Variants in GABRG3 observed in about 807,000 individuals in gnomAD.
The protein encoded by GABRG3 is gamma-aminobutyric acid type A receptor subunit gamma3.
Under a neutral mutation model 48.8 loss-of-function variants are expected in GABRG3, and 25 were observed. That is an observed-to-expected ratio of 0.51 (90% CI 0.37 to 0.72). GABRG3 has a LOEUF of 0.72. Ranked by LOEUF, GABRG3 falls within the 30% of genes least tolerant of loss-of-function variation. GABRG3 has a pLI of 0.00. For missense variants in GABRG3, 394 were observed against 577.9 expected (o/e 0.68, Z 3.26); for synonymous variants, 227 against 217.6 (o/e 1.04, Z -0.38).
intron 5 of GABRG3, among the ~76,000 whole-genome samples, chr15:27,434,791 T>C (rs76548996): frequency 0.045 from 6,788 of 152,240 alleles, 175 homozygotes; most frequent in Middle Eastern, 0.11. Flanking sequence ...GGCTTTGGTT[T>C]GGAGGGTCTT....
At chr15:27,379,731 T>A (rs1250753499) in intron 5 of GABRG3, among the ~76,000 whole-genome samples, 1 of 152,214 alleles carries the variant, frequency 6.6e-6, no homozygotes, top group Non-Finnish European at 1.5e-5. Context: ...ACTATAAATA[T>A]CTTGCTCCAT....
intron 2 of GABRG3, among the ~76,000 whole-genome samples, chr15:26,985,980 T>C (rs1487876945): frequency 6.6e-6 from 1 of 152,164 alleles, no homozygotes; most frequent in African/African-American, 2.4e-5. Flanking sequence ...CTCGATCCAC[T>C]GTGTCCTGAT....
intron 5 of GABRG3, among the ~76,000 whole-genome samples, chr15:27,409,030 T>A (rs1246473722): frequency 6.6e-6 from 1 of 152,096 alleles, no homozygotes; most frequent in Admixed American, 6.5e-5. Context: ...ACCTTTCTGG[T>A]CCTTTTTTTT....
intron 2 of GABRG3, among the ~76,000 whole-genome samples, chr15:27,002,309 A>G (rs534155434): frequency 7.9e-5 from 12 of 152,298 alleles, no homozygotes; most frequent in African/African-American, 2.9e-4. Flanking sequence ...CAGGACACCA[A>G]TTCAGTGCCT....
chr15:27,291,953 A>G (rs545184956), intron 3 of GABRG3, among the ~76,000 whole-genome samples: 4 of 152,304 alleles, frequency 2.6e-5, no homozygotes, highest in East Asian at 1.9e-4. Flanking sequence ...TTTGTATGCA[A>G]GGATAGAACA....
intron 5 of GABRG3, among the ~76,000 whole-genome samples, chr15:27,357,009 T>A (rs890001230): frequency 1.3e-5 from 2 of 152,240 alleles, no homozygotes; most frequent in African/African-American, 4.8e-5. Context: ...GGAATTTTCA[T>A]AATAGAATGT....
rs1893202876 is a variant in GABRG3 at position 27,316,056 on chromosome 15, T to C, written c.271-10753T>C. Among the ~76,000 whole-genome samples, 3 of 152,296 alleles carry C rather than the reference T, an allele frequency of 2.0e-5. No homozygotes were observed. In the South Asian group the frequency reaches 6.2e-4, roughly 32 times the overall value. ...TGTAAATTTCATTTCCTTATTCTGC[T>C]TTATAATTAAATGCTATTTTCAGCA... is the stretch of plus-strand genomic sequence containing the variant. On this transcript the variant is annotated intron_variant, in intron 3 of 9. Coordinates refer to ENST00000615808, the MANE Select transcript of GABRG3 (RefSeq NM_033223.5).
chr15:27,332,005 A>G (rs1893817764), intron 5 of GABRG3, among the ~76,000 whole-genome samples: 1 of 152,258 alleles, frequency 6.6e-6, no homozygotes, highest in Non-Finnish European at 1.5e-5. Context: ...TTTAAAGTAT[A>G]AGTTTTTGAA....
At chr15:27,049,176 G>A (rs536420952) in intron 3 of GABRG3, among the ~76,000 whole-genome samples, 4 of 152,326 alleles carry the variant, frequency 2.6e-5, no homozygotes, top group African/African-American at 7.2e-5. Flanking sequence ...CTTGATGTGC[G>A]TAACCGTTTT....
At chr15:27,380,762 G>GT (rs1895741885) in intron 5 of GABRG3, among the ~76,000 whole-genome samples, 3 of 80,210 alleles carry the variant, frequency 3.7e-5, no homozygotes, top group South Asian at 7.3e-4. Flanking sequence ...TGTTCTGTGT[G>GT]GTTTTTTTTT....
At chr15:27,419,637 A>G (rs1356386791) in intron 5 of GABRG3, among the ~76,000 whole-genome samples, 3 of 152,158 alleles carry the variant, frequency 2.0e-5, no homozygotes, top group Non-Finnish European at 4.4e-5. Flanking sequence ...TGAACACCAC[A>G]TGGGCAGCTT....
intron 5 of GABRG3, among the ~76,000 whole-genome samples, chr15:27,461,450 GGTGA>G (rs1400014912): frequency 6.6e-6 from 1 of 152,090 alleles, no homozygotes; most frequent in Admixed American, 6.5e-5. Context: ...CGGACCCTCG[GGTGA>G]GTGTTACAGC....
intron 3 of GABRG3, among the ~76,000 whole-genome samples, chr15:27,078,018 A>G (rs1896937226): frequency 6.6e-6 from 1 of 152,176 alleles, no homozygotes; most frequent in Non-Finnish European, 1.5e-5. Flanking sequence ...GCCCTCTGTG[A>G]TGCTGGCTGG....
intron 3 of GABRG3, among the ~76,000 whole-genome samples, chr15:27,071,641 C>T (rs865837689): frequency 1.2e-4 from 18 of 152,326 alleles, no homozygotes; most frequent in African/African-American, 3.1e-4. Context: ...CTCTCTCTGG[C>T]TGTAGTACGG....
intron 5 of GABRG3, among the ~76,000 whole-genome samples, chr15:27,404,454 T>C (rs1887573056): frequency 6.6e-6 from 1 of 152,132 alleles, no homozygotes; most frequent in South Asian, 2.1e-4. Context: ...CTCTCTGACC[T>C]CTTGTTTATA....
intron 3 of GABRG3, among the ~76,000 whole-genome samples, chr15:27,080,499 C>T (rs1896975203): frequency 6.6e-6 from 1 of 152,108 alleles, no homozygotes; most frequent in Non-Finnish European, 1.5e-5. Flanking sequence ...TCTGATTAAG[C>T]TGGGCATGAT....
intron 3 of GABRG3, among the ~76,000 whole-genome samples, chr15:27,171,543 CAT>C (rs1491262457): frequency 1.4e-5 from 2 of 140,762 alleles, no homozygotes; most frequent in African/African-American, 5.1e-5. Context: ...GATGTATACA[CAT>C]GTATATATAT....
At chr15:26,989,516 T>C (rs1706259277) in intron 2 of GABRG3, among the ~76,000 whole-genome samples, 1 of 152,194 alleles carries the variant, frequency 6.6e-6, no homozygotes, top group Non-Finnish European at 1.5e-5. Flanking sequence ...ATATAGTAGG[T>C]ATTTATGCTT....
chr15:27,487,170 C>A (rs1890240903), intron 6 of GABRG3, among the ~76,000 whole-genome samples: 1 of 152,086 alleles, frequency 6.6e-6, no homozygotes, highest in South Asian at 2.1e-4. Flanking sequence ...ACGGGAAATG[C>A]AGAAAAAACC....
Sources: gnomAD v4.1 joint callset for allele counts (sites outside exome capture counted in the v4.1 genomes callset) on GRCh38, gnomAD v4.1.1 for gene constraint, MANE v1.5 for transcripts, NCBI Gene and HGNC (gene_info 2026-07-23, HGNC 2026-07-21) for gene names.